Variants in CNBD1 observed in about 807,000 individuals in gnomAD.
CNBD1 encodes the protein cyclic nucleotide-binding domain-containing protein 1.
A neutral mutation model predicts 54.4 loss-of-function variants in CNBD1; 71 were observed. That is an observed-to-expected ratio of 1.30 (90% CI 1.08 to 1.59). CNBD1 has a LOEUF of 1.59. CNBD1 is among the 40% of genes most tolerant of loss of function. CNBD1 has a pLI of 0.00. For synonymous variants in CNBD1, 182 were observed against 170.7 expected (o/e 1.07, Z -0.51); for missense variants, 659 against 518.0 (o/e 1.27, Z -2.64).
In CNBD1 at chr8:87,297,291, TTGTTTTCATATTA is replaced by T. The variant is rs555163861; in HGVS notation, c.1042+10621_1042+10633del. Among the ~76,000 whole-genome samples, 152 of 152,234 alleles carry T rather than the reference TTGTTTTCATATTA, an allele frequency of 1.0e-3. 4 individuals are homozygous for T. The South Asian group carries it at 0.03, about 30-fold the overall frequency. On this transcript the variant is annotated intron_variant, in intron 8 of 10. Transcript: ENST00000518476. ...AGACACTTTATACCTTTTTCATATT[TTGTTTTCATATTA>T]AGTCTTCAAAATCCAGTGTTATTGT...
At chr8:87,324,615 T>G (rs375719198) in intron 8 of CNBD1, among the ~76,000 whole-genome samples, 1 of 150,636 alleles carries the variant, frequency 6.6e-6, no homozygotes, top group Non-Finnish European at 1.5e-5. Flanking sequence ...TATTCTCTGA[T>G]GGTAGTTTGT....
At chr8:87,093,789 A>G (rs1454102081) in intron 4 of CNBD1, among the ~76,000 whole-genome samples, 2 of 152,148 alleles carry the variant, frequency 1.3e-5, no homozygotes, top group Middle Eastern at 3.2e-3. Flanking sequence ...CCATACTTAT[A>G]TATAAGAAAC....
At chr8:87,427,699 A>T (rs1586097573) in intron 2 of CNBD1, among the ~76,000 whole-genome samples, 1 of 152,192 alleles carries the variant, frequency 6.6e-6, no homozygotes, top group African/African-American at 2.4e-5. Context: ...GAATGAGGTT[A>T]TTTTTGATTT....
chr8:87,086,624 T>A (rs1245314667), intron 4 of CNBD1, among the ~76,000 whole-genome samples: 2 of 152,206 alleles, frequency 1.3e-5, no homozygotes, highest in Non-Finnish European at 2.9e-5. Flanking sequence ...ATGTGAATAT[T>A]ATAAACCTGC....
chr8:87,092,201 A>G (rs1378082033), intron 4 of CNBD1, among the ~76,000 whole-genome samples: 3 of 152,100 alleles, frequency 2.0e-5, no homozygotes, highest in South Asian at 4.1e-4. Context: ...ACTTGGCTTT[A>G]TCTATTTCCA....
chr8:87,385,690 G>T (rs965066685), downstream of CNBD1, among the ~76,000 whole-genome samples: 1 of 152,124 alleles, frequency 6.6e-6, no homozygotes, highest in South Asian at 2.1e-4. Flanking sequence ...CACCTCTGGG[G>T]GCAGGGCATA....
chr8:87,283,483 A>C (rs1384680930), intron 6 of CNBD1, among the ~76,000 whole-genome samples: 1 of 152,000 alleles, frequency 6.6e-6, no homozygotes, highest in African/African-American at 2.4e-5. Context: ...AAGTTTGTAT[A>C]ATACCTTCCT....
At chr8:87,375,161 CTAT>C (rs1810900842) in intron 10 of CNBD1, among the ~76,000 whole-genome samples, 1 of 151,722 alleles carries the variant, frequency 6.6e-6, no homozygotes, top group Non-Finnish European at 1.5e-5. Flanking sequence ...TTGAATAGTA[CTAT>C]TATAAGAACA....
chr8:87,018,343 C>T (rs538238315), intron 4 of CNBD1, among the ~76,000 whole-genome samples: 19 of 152,258 alleles, frequency 1.2e-4, no homozygotes, highest in Middle Eastern at 3.4e-3. Flanking sequence ...CTAAAACTTA[C>T]CTTGCACACA....
intron 4 of CNBD1, among the ~76,000 whole-genome samples, chr8:87,003,674 G>A (rs528009555): frequency 1.2e-3 from 176 of 152,214 alleles, no homozygotes; most frequent in Non-Finnish European, 1.9e-3. Flanking sequence ...ACAGGTACTA[G>A]AGGATATGAG....
rs181971797 is a variant in CNBD1, at chr8:87,212,124, A to C, written c.577+5986A>C. ...TTAAGAAATTCAGTTCAATTTGCCA[A>C]TAACATCAAAAATATAACCTGCTTA... On this transcript the variant is annotated intron_variant, in intron 5 of 10. Transcript: ENST00000518476. Among the ~76,000 whole-genome samples the C allele has an allele frequency of 6.8e-4, 104 of 152,296 alleles. 1 individual carries two copies. Among genetic ancestry groups the C allele is most frequent in the Admixed American group, 1.5e-3 (23 of 15,302 alleles).
rs543153731 is a variant in CNBD1 at position 86,998,689 on chromosome 8, A to G, written c.431+58935A>G. On this transcript the variant is annotated intron_variant, in intron 4 of 10. Transcript: ENST00000518476. ...AGGACAACTGTATATCACTGGCCCC[A>G]TGTTTGATTTTAAATTTATAGCACT... 8.5e-5 allele frequency among the ~76,000 whole-genome samples: 13 copies of G among 152,318 alleles called. No individual in the cohort carries two copies. In the South Asian group the frequency reaches 2.3e-3, roughly 27 times the overall value.
chr8:87,307,657 G>A (rs1475076751), intron 8 of CNBD1, among the ~76,000 whole-genome samples: 1 of 151,722 alleles, frequency 6.6e-6, no homozygotes, highest in Non-Finnish European at 1.5e-5. Flanking sequence ...AGAATCGCTT[G>A]AACCTGGGAG....
At chr8:87,311,664 T>C (rs1278996755) in intron 8 of CNBD1, among the ~76,000 whole-genome samples, 1 of 152,164 alleles carries the variant, frequency 6.6e-6, no homozygotes, top group Non-Finnish European at 1.5e-5. Flanking sequence ...ATTGCAGTAC[T>C]ATTCACAATA....
At chr8:87,231,027 G>A (rs924531456) in intron 5 of CNBD1, among the ~76,000 whole-genome samples, 2 of 152,082 alleles carry the variant, frequency 1.3e-5, no homozygotes, top group African/African-American at 4.8e-5. Context: ...CGGCGAAATG[G>A]GAGCCAGCAT....
intron 2 of CNBD1, among the ~76,000 whole-genome samples, chr8:87,391,118 C>A (rs1294168212): frequency 6.6e-6 from 1 of 151,990 alleles, no homozygotes; most frequent in African/African-American, 2.4e-5. Flanking sequence ...GGAGGGATAG[C>A]ATTAGGATAT....
intron 4 of CNBD1, among the ~76,000 whole-genome samples, chr8:86,958,113 TTCAGTTTCC>T (rs999651883): frequency 1.3e-5 from 2 of 152,202 alleles, no homozygotes; most frequent in Admixed American, 1.3e-4. Context: ...GAGCAGGTTG[TTCAGTTTCC>T]AGGTAGTTAA....
intron 2 of CNBD1, among the ~76,000 whole-genome samples, chr8:87,415,316 T>C (rs973057062): frequency 1.3e-5 from 2 of 151,814 alleles, no homozygotes; most frequent in African/African-American, 4.8e-5. Flanking sequence ...TTATTAAGAG[T>C]CCTAAGGTAC....
At chr8:87,036,094 A>G (rs1586213199) in intron 4 of CNBD1, among the ~76,000 whole-genome samples, 1 of 152,306 alleles carries the variant, frequency 6.6e-6, no homozygotes, top group East Asian at 1.9e-4. Context: ...GATAGAGATT[A>G]GAGGATAGGG....
Sources: gnomAD v4.1 joint callset for allele counts (sites outside exome capture counted in the v4.1 genomes callset) on GRCh38, gnomAD v4.1.1 for gene constraint, MANE v1.5 for transcripts, NCBI Gene and HGNC (gene_info 2026-07-23, HGNC 2026-07-21) for gene names.